The following CYLC1 variants were observed in gnomAD, a reference collection of about 807,000 sequenced individuals.
CYLC1 encodes cylicin 1.
In CYLC1, 2 loss-of-function variants were observed where a neutral mutation model predicts 31.6. That is an observed-to-expected ratio of 0.06 (90% CI 0.03 to 0.20). The LOEUF (loss-of-function observed/expected upper bound fraction) is 0.20. Ranked by LOEUF, CYLC1 falls within the 10% of genes least tolerant of loss-of-function variation. CYLC1 has a pLI of 1.00. For missense variants in CYLC1, 595 were observed against 424.1 expected, an observed-to-expected ratio of 1.40 and a Z score of -3.54; for synonymous variants, 185 against 153.0, an observed-to-expected ratio of 1.21 and a Z score of -1.54.
At chrX:83,884,054 GC>G (rs1337356067) in intron 4 of CYLC1, among the ~76,000 whole-genome samples, 4 of 111,290 alleles carry the variant, frequency 3.6e-5, no homozygotes, top group African/African-American at 1.3e-4. Context: ...CAATATTATA[GC>G]ATGATGCCTA....
At chrX:83,862,494 G>T (rs1195943434) in intron 1 of CYLC1, among the ~76,000 whole-genome samples, 2 of 111,212 alleles carry the variant, frequency 1.8e-5, no homozygotes, top group Non-Finnish European at 3.8e-5. Flanking sequence ...AGTGAGCAGA[G>T]ATCGCGCCAC....
Position 83,874,464 on chromosome X carries a change from A to C in CYLC1, c.1756A>C (p.Thr586Pro), listed in dbSNP as rs1187613270. The change falls in exon 4 of 5, where the codon ACT becomes CCT. Residue 586 changes from threonine to proline, a missense_variant. Coordinates refer to ENST00000329312, the MANE Select transcript of CYLC1 (RefSeq NM_021118.3). ...AGGATTCAGAATGTCATCCAAAAAG[A>C]CTACATTCAATGAAAAAGGGGAAAA... ...KRGFRMSSKK[T>P]TFNEKGEKAS... 13 of 1,207,647 alleles carry C rather than the reference A, an allele frequency of 1.1e-5. No homozygotes were observed. The highest frequency in any genetic ancestry group is 1.2e-5 in the Non-Finnish European group (11 of 894,055).
rs891162123 is a variant in CYLC1 at position 83,876,376 on chromosome X, G to A, written c.1923+1745G>A. ...CACTGGGGAATAATTTTTAAGATAA[G>A]TAAGAAGAAAGACTCTCAAATAGCT... is the stretch of plus-strand genomic sequence containing the variant. On this transcript the variant is annotated intron_variant, in intron 4 of 4. Transcript: ENST00000329312. Among the ~76,000 whole-genome samples the A allele has an allele frequency of 5.4e-5, 6 of 110,992 alleles. 1 individual carries two copies. In the South Asian group the frequency reaches 2.2e-3, roughly 42 times the overall value.
intron 2 of CYLC1, 96 bp from the exon 3 acceptor site, chrX:83,871,356 T>A: frequency 7.0e-6 from 4 of 569,746 alleles, no homozygotes; most frequent in Non-Finnish European, 1.1e-5. Context: ...TATAACTTAG[T>A]TTAATTTAAA....
Position 83,873,891 on chromosome X carries a change from G to GACAAGAAAA in CYLC1, c.1185_1193dup (p.Lys397_Lys398insAsnLysLys). 8.4e-6 allele frequency: 10 copies of GACAAGAAAA among 1,197,352 alleles called. No homozygotes were observed. Among genetic ancestry groups the GACAAGAAAA allele is most frequent in the Non-Finnish European group, 1.1e-5 (10 of 887,029 alleles). On this transcript the variant is annotated inframe_insertion, in exon 4 of 5. Coordinates refer to ENST00000329312, the MANE Select transcript of CYLC1 (RefSeq NM_021118.3). The stretch of plus-strand genomic sequence containing the variant: ...TTTGAAGAAAGCTTCAAAGAATGAT[G>GACAAGAAAA]ACAAGAAAAAGGATGCAAAGAAAAT...
chrX:83,864,179 C>G (rs764649451), intron 1 of CYLC1, among the ~76,000 whole-genome samples: 23 of 111,724 alleles, frequency 2.1e-4, no homozygotes, highest in African/African-American at 7.1e-4. Context: ...ATTACATCTG[C>G]AAAGATCCAA....
chrX:83,866,585 A>G (rs2031595808), intron 1 of CYLC1, among the ~76,000 whole-genome samples: 1 of 110,585 alleles, frequency 9.0e-6, no homozygotes, highest in African/African-American at 3.3e-5. Context: ...ATTCTCAGAA[A>G]CTCATGCTTC....
At chrX:83,864,696 T>C (rs1476891252) in intron 1 of CYLC1, 1 of 322,601 alleles carries the variant, frequency 3.1e-6, no homozygotes, top group South Asian at 2.7e-5. Context: ...TACTAGTTTC[T>C]TTTCTCTCCC....
intron 4 of CYLC1, 73 bp from the exon 5 acceptor site, chrX:83,886,479 C>A: frequency 1.0e-6 from 1 of 978,789 alleles, no homozygotes; most frequent in Non-Finnish European, 1.5e-6. Flanking sequence ...ATCCTTAACA[C>A]ATCATAGTTG....
chrX:83,876,218 C>T (rs1253345538), intron 4 of CYLC1, among the ~76,000 whole-genome samples: 1 of 110,448 alleles, frequency 9.1e-6, no homozygotes, highest in Non-Finnish European at 1.9e-5. Context: ...TCCCAGCAGA[C>T]CCCAAAACTC....
At chrX:83,878,078 A>C (rs1173632413) in intron 4 of CYLC1, among the ~76,000 whole-genome samples, 1 of 60,622 alleles carries the variant, frequency 1.6e-5, no homozygotes, top group Non-Finnish European at 2.7e-5. Flanking sequence ...ATATATATAA[A>C]AATATATATA....
chrX:83,873,989 A>C lies in CYLC1; in HGVS notation c.1281A>C (p.Lys427Asn). ...AGAAAGATGAAAAAAAGGATAAAAA[A>C]GATTCAAAGACAGATAATAAAAAGT... ...ESQKDEKKDK[K>N]DSKTDNKKSV... Residue 427 changes from lysine (K) to asparagine (N), a missense_variant, in exon 4 of 5, where the codon AAA becomes AAC. Physicochemically the swap from Lys to Asn is moderately conservative, Grantham distance 94. Transcript: ENST00000329312. 8.4e-7 allele frequency: 1 copy of C among 1,184,437 alleles called. No individual in the cohort carries two copies. The highest frequency in any genetic ancestry group is 1.1e-6 in the Non-Finnish European group (1 of 881,611).
chrX:83,877,888 A>T (rs927271793), intron 4 of CYLC1, among the ~76,000 whole-genome samples: 30 of 58,971 alleles, frequency 5.1e-4, no homozygotes, highest in East Asian at 1.9e-3. Context: ...ATATATATAT[A>T]TATATATACA....
At chrX:83,867,175 A>G (rs1393121773) in intron 1 of CYLC1, among the ~76,000 whole-genome samples, 1 of 111,567 alleles carries the variant, frequency 9.0e-6, no homozygotes, top group Non-Finnish European at 1.9e-5. Context: ...TCTTTTTATG[A>G]TGATTTACGT....
chrX:83,881,461 C>T (rs1437631400), intron 4 of CYLC1, among the ~76,000 whole-genome samples: 1 of 108,875 alleles, frequency 9.2e-6, no homozygotes, highest in Non-Finnish European at 1.9e-5. Context: ...TGAAAGATAT[C>T]GGTCATATGT....
intron 1 of CYLC1, among the ~76,000 whole-genome samples, chrX:83,868,092 T>G (rs1386271947): frequency 9.0e-6 from 1 of 110,635 alleles, no homozygotes; most frequent in East Asian, 2.8e-4. Flanking sequence ...AAGTAGAGAG[T>G]GCATAAACTG....
intron 4 of CYLC1, among the ~76,000 whole-genome samples, chrX:83,886,241 T>C (rs2031981487): frequency 9.0e-6 from 1 of 111,309 alleles, no homozygotes; most frequent in African/African-American, 3.3e-5. Flanking sequence ...GGGCCTTGGC[T>C]CCTGTACAAA....
chrX:83,866,412 C>A (rs2031594008), intron 1 of CYLC1, among the ~76,000 whole-genome samples: 1 of 111,242 alleles, frequency 9.0e-6, no homozygotes. Flanking sequence ...CAGCTCTATC[C>A]TCAGAGTTAG....
At chrX:83,883,591 T>A (rs975694373) in intron 4 of CYLC1, among the ~76,000 whole-genome samples, 2 of 111,956 alleles carry the variant, frequency 1.8e-5, no homozygotes, top group African/African-American at 6.5e-5. Flanking sequence ...ACACTCAAAA[T>A]ATTATACAAA....
Sources: gnomAD v4.1 joint callset for allele counts (sites outside exome capture counted in the v4.1 genomes callset) on GRCh38, gnomAD v4.1.1 for gene constraint, MANE v1.5 for transcripts, NCBI Gene and HGNC (gene_info 2026-07-23, HGNC 2026-07-21) for gene names.